The following ADGRL3 variants were observed in gnomAD, a reference collection of about 807,000 sequenced individuals.
ADGRL3 encodes the protein calcium-independent alpha-latrotoxin receptor 3.
Under a neutral mutation model 153.5 loss-of-function variants are expected in ADGRL3, and 62 were observed. That is an observed-to-expected ratio of 0.40 (90% CI 0.33 to 0.50). ADGRL3 has a LOEUF of 0.50. Among genes scored for constraint, ADGRL3 ranks in the 20% least tolerant of loss-of-function variants. ADGRL3 has a pLI of 0.47. For synonymous variants in ADGRL3, 710 were observed against 672.5 expected (o/e 1.06, Z -0.86); for missense variants, 1,641 against 1,859.4 (o/e 0.88, Z 2.16).
At chr4:61,388,799 C>T (rs932533322) in intron 2 of ADGRL3, among the ~76,000 whole-genome samples, 19 of 152,104 alleles carry the variant, frequency 1.2e-4, no homozygotes, top group Non-Finnish European at 2.1e-4. Flanking sequence ...GGCCTTTCTA[C>T]CTATCAGTCT....
At chr4:61,405,249 A>G (rs1249451194) in intron 2 of ADGRL3, among the ~76,000 whole-genome samples, 1 of 152,034 alleles carries the variant, frequency 6.6e-6, no homozygotes, top group Non-Finnish European at 1.5e-5. Flanking sequence ...CCAGTAGGAA[A>G]GGAAACATGA....
chr4:61,248,173 C>A (rs1757831610), intron 1 of ADGRL3, among the ~76,000 whole-genome samples: 2 of 151,912 alleles, frequency 1.3e-5, no homozygotes, highest in South Asian at 4.1e-4. Context: ...GCAGTTAGAT[C>A]AAGTGCTGCT....
At chr4:62,010,577 G>A (rs1219150450) in intron 21 of ADGRL3, among the ~76,000 whole-genome samples, 1 of 152,000 alleles carries the variant, frequency 6.6e-6, no homozygotes, top group African/African-American at 2.4e-5. Flanking sequence ...TCATTTCCCT[G>A]AAAGGATTAT....
intron 1 of ADGRL3, among the ~76,000 whole-genome samples, chr4:61,224,084 A>G (rs1449294818): frequency 1.3e-5 from 2 of 152,156 alleles, no homozygotes; most frequent in Non-Finnish European, 2.9e-5. Context: ...TAATACTTAA[A>G]TTTTTATTTT....
intron 1 of ADGRL3, among the ~76,000 whole-genome samples, chr4:61,231,347 C>T (rs1217211412): frequency 6.6e-6 from 1 of 152,058 alleles, no homozygotes; most frequent in East Asian, 1.9e-4. Context: ...GGAAGACATG[C>T]TATGTCTCCA....
intron 10 of ADGRL3, among the ~76,000 whole-genome samples, chr4:61,893,191 T>G (rs2098602488): frequency 6.6e-6 from 1 of 151,978 alleles, no homozygotes. Context: ...ATTTTATTAC[T>G]TCACATTTGA....
At chr4:61,448,984 G>A (rs1024238263) in intron 2 of ADGRL3, among the ~76,000 whole-genome samples, 1 of 151,880 alleles carries the variant, frequency 6.6e-6, no homozygotes, top group Non-Finnish European at 1.5e-5. Flanking sequence ...GGAGATATAT[G>A]TTTCCTCCCT....
At chr4:61,543,173 C>T (rs2098698738) in intron 4 of ADGRL3, among the ~76,000 whole-genome samples, 1 of 140,616 alleles carries the variant, frequency 7.1e-6, no homozygotes. Flanking sequence ...CAGAAATATC[C>T]ACATTTGAAT....
At chr4:61,856,602 CTCTTTTTTTTTTTTT>C (rs2098270281) in intron 9 of ADGRL3, among the ~76,000 whole-genome samples, 17 of 22,382 alleles carry the variant, frequency 7.6e-4, no homozygotes, top group African/African-American at 1.7e-3. Context: ...CTCTCTCTCT[CTCTTTTTTTTTTTTT>C]TTTTTTTTTT....
At chr4:61,254,990 C>T (rs1170490104) in intron 1 of ADGRL3, among the ~76,000 whole-genome samples, 1 of 151,950 alleles carries the variant, frequency 6.6e-6, no homozygotes, top group African/African-American at 2.4e-5. Flanking sequence ...TAATATGACA[C>T]TCTTGTACTT....
At chr4:62,008,394 C>T (rs1490145776) in intron 21 of ADGRL3, among the ~76,000 whole-genome samples, 3 of 152,058 alleles carry the variant, frequency 2.0e-5, no homozygotes, top group Non-Finnish European at 4.4e-5. Flanking sequence ...GTATAGTGTA[C>T]AAGCGAAGGC....
intron 2 of ADGRL3, among the ~76,000 whole-genome samples, chr4:61,428,860 T>TATCTATATC (rs1553927178): frequency 7.5e-6 from 1 of 133,048 alleles, no homozygotes; most frequent in African/African-American, 2.7e-5. Context: ...TCTATCTATC[T>TATCTATATC]ATCTATCTAT....
intron 3 of ADGRL3, among the ~76,000 whole-genome samples, chr4:61,498,110 G>T (rs1194009438): frequency 6.6e-6 from 1 of 152,102 alleles, no homozygotes; most frequent in Non-Finnish European, 1.5e-5. Flanking sequence ...AAAAGTATCT[G>T]CTTTCCAAAA....
chr4:61,936,932 A>T (rs1206797389), intron 15 of ADGRL3, among the ~76,000 whole-genome samples: 1 of 152,124 alleles, frequency 6.6e-6, no homozygotes, highest in Non-Finnish European at 1.5e-5. Flanking sequence ...CAGGGTGAAT[A>T]GTTTTGATAA....
At position 61,672,918 on chromosome 4, in the gene ADGRL3, A is replaced by G. The variant is rs571981215; in HGVS notation, c.474-3908A>G. Among the ~76,000 whole-genome samples, 22 of 152,114 alleles carry G rather than the reference A, an allele frequency of 1.4e-4. 1 individual carries two copies. The East Asian group carries it at 4.0e-3, about 28-fold the overall frequency. ...GTTCACAATAAATAAGATAAATATA[A>G]TTGGCCTAACTGCCATCAGCAGATG... On this transcript the variant is annotated intron_variant, in intron 5 of 26. Transcript: ENST00000683033.
intron 8 of ADGRL3, among the ~76,000 whole-genome samples, chr4:61,788,112 A>G (rs1432771707): frequency 6.6e-6 from 1 of 152,176 alleles, no homozygotes; most frequent in Non-Finnish European, 1.5e-5. Flanking sequence ...GCAACTCATA[A>G]AAGAACAACC....
chr4:61,821,232 T>A (rs1312844519), intron 9 of ADGRL3, among the ~76,000 whole-genome samples: 2 of 149,586 alleles, frequency 1.3e-5, no homozygotes, highest in Non-Finnish European at 1.5e-5. Flanking sequence ...AAAAATGCCC[T>A]CCTAATGCCA....
intron 13 of ADGRL3, among the ~76,000 whole-genome samples, chr4:61,927,367 A>T (rs1453703933): frequency 2.6e-5 from 4 of 151,290 alleles, no homozygotes; most frequent in South Asian, 2.1e-4. Context: ...CTTTTTTTTA[A>T]AAAAAAAAAT....
At chr4:61,424,219 TA>T (rs2097248836) in intron 2 of ADGRL3, among the ~76,000 whole-genome samples, 1 of 152,076 alleles carries the variant, frequency 6.6e-6, no homozygotes, top group Non-Finnish European at 1.5e-5. Flanking sequence ...CATAACATGG[TA>T]GCATAACTGT....
Sources: gnomAD v4.1 joint callset for allele counts (sites outside exome capture counted in the v4.1 genomes callset) on GRCh38, gnomAD v4.1.1 for gene constraint, MANE v1.5 for transcripts, NCBI Gene and HGNC (gene_info 2026-07-23, HGNC 2026-07-21) for gene names.